The following THSD7B variants were observed in gnomAD, a reference collection of about 807,000 sequenced individuals.
The protein encoded by THSD7B is thrombospondin type-1 domain-containing protein 7B.
A neutral mutation model predicts 213.6 loss-of-function variants in THSD7B; 138 were observed. That is an observed-to-expected ratio of 0.65 (90% CI 0.56 to 0.74). THSD7B has a LOEUF of 0.74. Ranked by LOEUF, THSD7B falls within the 30% of genes least tolerant of loss-of-function variation. THSD7B has a pLI of 0.00. For missense variants in THSD7B, 1,931 were observed against 1,991.5 expected (o/e 0.97, Z 0.58); for synonymous variants, 742 against 687.0 (o/e 1.08, Z -1.25).
chr2:136,894,130 C>G (rs1683910760), intron 2 of THSD7B, among the ~76,000 whole-genome samples: 1 of 152,180 alleles, frequency 6.6e-6, no homozygotes. Context: ...CACTTCACTA[C>G]AAAAAGAATA....
At chr2:136,813,516 T>C (rs182944153) in intron 1 of THSD7B, among the ~76,000 whole-genome samples, 1 of 152,188 alleles carries the variant, frequency 6.6e-6, no homozygotes. Flanking sequence ...GATATTAGTT[T>C]GGAGACAGCT....
chr2:136,909,292 A>G (rs1684220435), intron 2 of THSD7B, among the ~76,000 whole-genome samples: 1 of 152,166 alleles, frequency 6.6e-6, no homozygotes, highest in Non-Finnish European at 1.5e-5. Context: ...TTGAAATGGC[A>G]AGATGGCATG....
intron 1 of THSD7B, among the ~76,000 whole-genome samples, chr2:136,869,583 T>C (rs914073133): frequency 1.3e-5 from 2 of 152,190 alleles, no homozygotes; most frequent in Non-Finnish European, 2.9e-5. Flanking sequence ...TGTAAAACGG[T>C]CCTACCATAA....
chr2:137,397,294 G>A (rs868695025), intron 12 of THSD7B, among the ~76,000 whole-genome samples: 25 of 152,086 alleles, frequency 1.6e-4, no homozygotes, highest in African/African-American at 4.6e-4. Context: ...ATTTTGCAGC[G>A]GCTGGTACCG....
At chr2:137,469,156 A>G (rs1311454211) in intron 15 of THSD7B, among the ~76,000 whole-genome samples, 1 of 152,160 alleles carries the variant, frequency 6.6e-6, no homozygotes, top group Non-Finnish European at 1.5e-5. Context: ...GATTACAGGG[A>G]TTAATATTTA....
chr2:136,911,402 C>G (rs1159682470), intron 2 of THSD7B, among the ~76,000 whole-genome samples: 6 of 152,170 alleles, frequency 3.9e-5, no homozygotes, highest in Admixed American at 3.9e-4. Flanking sequence ...TGGCGTTCCT[C>G]TGGAGATTTT....
chr2:137,059,937 T>A (rs1687240927), intron 3 of THSD7B, among the ~76,000 whole-genome samples: 1 of 152,198 alleles, frequency 6.6e-6, no homozygotes, highest in Non-Finnish European at 1.5e-5. Flanking sequence ...TTTAGTTTTG[T>A]AAGAAACTGC....
intron 2 of THSD7B, among the ~76,000 whole-genome samples, chr2:136,949,579 G>A (rs1267134933): frequency 2.0e-5 from 3 of 152,178 alleles, no homozygotes; most frequent in Non-Finnish European, 4.4e-5. Context: ...ACCCACCTCT[G>A]TTGAAATCTA....
At position 137,006,281 on chromosome 2, in the gene THSD7B, A is replaced by C. The variant is rs1036809079; in HGVS notation, c.140-50139A>C. 2.6e-5 allele frequency among the ~76,000 whole-genome samples: 4 copies of C among 152,072 alleles called. No homozygotes were observed. The East Asian group carries it at 7.7e-4, about 29-fold the overall frequency. The stretch of plus-strand genomic sequence containing the variant: ...GTGGTGGCAGGCGCCTGTAGTCCGA[A>C]CTACTCAGGAGGCTGAGGCAGGAGA... On this transcript the variant is annotated intron_variant, in intron 2 of 27. Coordinates refer to ENST00000409968, the MANE Select transcript of THSD7B (RefSeq NM_001316349.2).
intron 12 of THSD7B, among the ~76,000 whole-genome samples, chr2:137,399,456 G>T (rs965639517): frequency 2.0e-5 from 3 of 152,074 alleles, no homozygotes; most frequent in South Asian, 4.2e-4. Flanking sequence ...GCCTCCGAAA[G>T]TGCTGGGATT....
chr2:136,998,651 C>T (rs1391216591), intron 2 of THSD7B, among the ~76,000 whole-genome samples: 3 of 152,108 alleles, frequency 2.0e-5, no homozygotes, highest in Admixed American at 1.3e-4. Context: ...GGAGAATGTC[C>T]TGTTACCTAG....
In THSD7B at chr2:137,458,731, A is replaced by G. The variant is rs139837545; in HGVS notation, c.3138+7708A>G. Among the ~76,000 whole-genome samples, 81 of 152,274 alleles carry G rather than the reference A, an allele frequency of 5.3e-4. No individual in the cohort carries two copies. In the East Asian group the frequency reaches 0.014, roughly 26 times the overall value. On this transcript the variant is annotated intron_variant, in intron 15 of 27. Transcript: ENST00000409968. ...AATTTTTCCTCAAAAATTGATGTGC[A>G]TGGTCTGTCCCTTTGGGCTTCATCT...
chr2:136,849,175 T>G (rs1237121952), intron 1 of THSD7B, among the ~76,000 whole-genome samples: 1 of 152,192 alleles, frequency 6.6e-6, no homozygotes, highest in Admixed American at 6.5e-5. Context: ...ATTTTGTCTT[T>G]GCTTACATCA....
At chr2:136,818,305 C>G (rs1040982871) in intron 1 of THSD7B, among the ~76,000 whole-genome samples, 2 of 133,808 alleles carry the variant, frequency 1.5e-5, no homozygotes, top group Admixed American at 7.7e-5. Flanking sequence ...GAACAAAAAA[C>G]CAAACACCAC....
At chr2:136,972,226 G>C (rs183717480) in intron 2 of THSD7B, among the ~76,000 whole-genome samples, 15 of 152,172 alleles carry the variant, frequency 9.9e-5, no homozygotes, top group Non-Finnish European at 1.6e-4. Flanking sequence ...AAGTGCTGAG[G>C]GGTAGTGAGA....
intron 1 of THSD7B, among the ~76,000 whole-genome samples, chr2:136,846,824 A>G (rs1683016846): frequency 6.6e-6 from 1 of 152,172 alleles, no homozygotes; most frequent in Non-Finnish European, 1.5e-5. Context: ...AGGATTTACT[A>G]GCAACTCTAT....
intron 15 of THSD7B, among the ~76,000 whole-genome samples, chr2:137,486,962 CAT>C (rs1227588162): frequency 2.0e-5 from 3 of 152,166 alleles, no homozygotes; most frequent in African/African-American, 7.2e-5. Context: ...AAAGCCACAA[CAT>C]ACCAGAATCT....
intron 15 of THSD7B, among the ~76,000 whole-genome samples, chr2:137,469,974 G>A (rs1688061653): frequency 2.0e-5 from 3 of 152,140 alleles, no homozygotes; most frequent in Admixed American, 6.6e-5. Context: ...AGATTTGGGG[G>A]AAAACATACA....
intron 7 of THSD7B, among the ~76,000 whole-genome samples, chr2:137,222,245 T>C (rs935441374): frequency 7.2e-5 from 11 of 152,094 alleles, no homozygotes; most frequent in Admixed American, 3.9e-4. Flanking sequence ...TCCTCACTTA[T>C]GGCAGGTATC....
Sources: gnomAD v4.1 joint callset for allele counts (sites outside exome capture counted in the v4.1 genomes callset) on GRCh38, gnomAD v4.1.1 for gene constraint, MANE v1.5 for transcripts, NCBI Gene and HGNC (gene_info 2026-07-23, HGNC 2026-07-21) for gene names.